CCDC148: variants seen among roughly 807,000 people sequenced by gnomAD.
CCDC148 encodes the protein coiled-coil domain-containing protein 148.
In CCDC148, 89 loss-of-function variants were observed where a neutral mutation model predicts 85.7. The observed-to-expected ratio is 1.04, with a 90% CI of 0.87 to 1.24. The LOEUF (loss-of-function observed/expected upper bound fraction) is 1.24. Ranked by LOEUF, CCDC148 falls within the 50% of genes most tolerant of loss-of-function variation. The pLI, the probability that CCDC148 is intolerant of heterozygous loss-of-function variation, is 0.00. For missense variants in CCDC148, 692 were observed against 671.7 expected, an observed-to-expected ratio of 1.03 and a Z score of -0.33; for synonymous variants, 230 against 213.9, an observed-to-expected ratio of 1.08 and a Z score of -0.66.
chr2:158,298,697 T>A (rs1028329238), intron 9 of CCDC148, among the ~76,000 whole-genome samples: 3 of 152,208 alleles, frequency 2.0e-5, no homozygotes. Context: ...TTTACATTTC[T>A]AGAATTTCTA....
chr2:158,310,492 G>T (rs1252643631), intron 8 of CCDC148, among the ~76,000 whole-genome samples: 1 of 150,850 alleles, frequency 6.6e-6, no homozygotes, highest in Non-Finnish European at 1.5e-5. Context: ...CTTCCCAGAC[G>T]TGACGGCTGG....
rs776922265 is a variant in CCDC148 at position 158,176,674 on chromosome 2, A to C, written c.1489-13T>G. 5.0e-6 allele frequency: 8 copies of C among 1,611,144 alleles called. No individual in the cohort carries two copies. The highest frequency in any genetic ancestry group is 1.7e-5 in the Admixed American group (1 of 59,838). ...CAACAACAGCAACCTAAAAATGAGA[A>C]AGCATGGCTACTTGGAACAAGGTAC... is the stretch of plus-strand genomic sequence containing the variant. On this transcript the variant is annotated splice_polypyrimidine_tract_variant and intron_variant, in intron 12 of 13. Transcript: ENST00000283233.
chr2:158,295,196 G>A (rs1010198988), intron 9 of CCDC148, among the ~76,000 whole-genome samples: 1 of 151,978 alleles, frequency 6.6e-6, no homozygotes, highest in Non-Finnish European at 1.5e-5. Context: ...TCTCTGAAGA[G>A]ACCAATAACA....
chr2:158,239,822 C>T (rs542639138), intron 10 of CCDC148, among the ~76,000 whole-genome samples: 1 of 151,844 alleles, frequency 6.6e-6, no homozygotes, highest in African/African-American at 2.4e-5. Flanking sequence ...GTCTTGTCTA[C>T]AAAAAACATA....
chr2:158,256,631 C>A (rs1297322474), intron 9 of CCDC148, among the ~76,000 whole-genome samples: 1 of 151,562 alleles, frequency 6.6e-6, no homozygotes, highest in African/African-American at 2.4e-5. Flanking sequence ...GAAAAATTGC[C>A]ATTTATGAGA....
At chr2:158,418,135 G>A (rs546299359) in intron 1 of CCDC148, among the ~76,000 whole-genome samples, 16 of 151,166 alleles carry the variant, frequency 1.1e-4, no homozygotes, top group African/African-American at 2.4e-4. Context: ...ACATCACACC[G>A]TGTAATACTA....
intron 9 of CCDC148, among the ~76,000 whole-genome samples, chr2:158,283,038 C>T (rs530564265): frequency 1.7e-3 from 257 of 152,272 alleles, no homozygotes; most frequent in Non-Finnish European, 2.5e-3. Flanking sequence ...AAAGGATTCC[C>T]TATTTAATAA....
chr2:158,333,762 A>G (rs1212676909), intron 7 of CCDC148, among the ~76,000 whole-genome samples: 2 of 151,480 alleles, frequency 1.3e-5, no homozygotes, highest in East Asian at 1.9e-4. Flanking sequence ...CCCTTTACCT[A>G]TTTCTAGGTT....
intron 11 of CCDC148, among the ~76,000 whole-genome samples, chr2:158,184,012 CAAAGA>C (rs144115353): frequency 0.013 from 2,050 of 152,108 alleles, 45 homozygotes; most frequent in African/African-American, 0.047. Flanking sequence ...GAAGTCTGCC[CAAAGA>C]AAAGAATGGA....
chr2:158,403,309 A>C (rs2602190), intron 1 of CCDC148, among the ~76,000 whole-genome samples: 134,934 of 151,926 alleles, frequency 0.89, 60,684 homozygotes, highest in Non-Finnish European at 0.96. Flanking sequence ...ATTGAAGAAT[A>C]CAGTTTGTAA....
intron 3 of CCDC148, among the ~76,000 whole-genome samples, chr2:158,344,360 A>G (rs1205023183): frequency 6.6e-6 from 1 of 152,154 alleles, no homozygotes; most frequent in Non-Finnish European, 1.5e-5. Context: ...CTTCACATAA[A>G]GGAGTCACCT....
intron 1 of CCDC148, among the ~76,000 whole-genome samples, chr2:158,422,621 A>G (rs1456095355): frequency 6.6e-6 from 1 of 152,182 alleles, no homozygotes; most frequent in African/African-American, 2.4e-5. Context: ...ACCCACAGCC[A>G]ATATCATACT....
At chr2:158,179,032 T>A in intron 11 of CCDC148, 36 bp from the exon 12 acceptor site, 1 of 1,487,882 alleles carries the variant, frequency 6.7e-7, no homozygotes, top group South Asian at 1.1e-5. Context: ...TGTGGAAGCA[T>A]CATAATAATA....
chr2:158,393,412 G>A (rs1462482246), intron 1 of CCDC148: 1 of 152,146 alleles, frequency 6.6e-6, no homozygotes, highest in African/African-American at 2.4e-5. Flanking sequence ...GGTGGAGAAA[G>A]ATAGGACAGG....
intron 9 of CCDC148, among the ~76,000 whole-genome samples, chr2:158,295,159 T>TCC (rs1559050716): frequency 2.6e-5 from 4 of 152,198 alleles, no homozygotes; most frequent in Non-Finnish European, 5.9e-5. Context: ...ATACACCCTC[T>TCC]CAAGACTAAA....
At chr2:158,420,390 C>G (rs993855685) in intron 1 of CCDC148, among the ~76,000 whole-genome samples, 1 of 152,082 alleles carries the variant, frequency 6.6e-6, no homozygotes, top group Non-Finnish European at 1.5e-5. Context: ...GCAGATCTCT[C>G]GGCAGAAACT....
At chr2:158,263,285 G>T (rs1401939212) in intron 9 of CCDC148, among the ~76,000 whole-genome samples, 1 of 152,000 alleles carries the variant, frequency 6.6e-6, no homozygotes, top group Admixed American at 6.6e-5. Context: ...TTTCTGCAGT[G>T]CGTAGAGGGC....
intron 1 of CCDC148, among the ~76,000 whole-genome samples, chr2:158,435,221 C>G (rs901688838): frequency 6.6e-6 from 1 of 152,092 alleles, no homozygotes; most frequent in Non-Finnish European, 1.5e-5. Flanking sequence ...TAAAGACAGC[C>G]AGAGAGAAAG....
chr2:158,232,807 T>C (rs1296759931), intron 10 of CCDC148, among the ~76,000 whole-genome samples: 1 of 152,142 alleles, frequency 6.6e-6, no homozygotes, highest in Non-Finnish European at 1.5e-5. Flanking sequence ...ATTAGATAGT[T>C]CCTTGCATCC....
Sources: allele counts gnomAD v4.1 joint callset (sites outside exome capture counted in the v4.1 genomes callset), GRCh38; gene constraint gnomAD v4.1.1; transcripts MANE v1.5; gene names NCBI Gene and HGNC (gene_info 2026-07-23, HGNC 2026-07-21).